The following DPPA2 variants were observed in gnomAD, a reference collection of about 807,000 sequenced individuals.
The protein encoded by DPPA2 is developmental pluripotency associated 2.
A neutral mutation model predicts 36.2 loss-of-function variants in DPPA2; 26 were observed. The observed-to-expected ratio is 0.72, with a 90% confidence interval of 0.53 to 1.00. The LOEUF is 1.00. Ranked by LOEUF, DPPA2 falls within the 50% of genes least tolerant of loss-of-function variation. The probability of loss-of-function intolerance (pLI) is 0.00; values close to 1 mark genes in which losing one functional copy is unlikely to be tolerated. For synonymous variants in DPPA2, 113 were observed against 123.2 expected (o/e 0.92, Z 0.55); for missense variants, 361 against 365.1 (o/e 0.99, Z 0.09).
intron 6 of DPPA2, among the ~76,000 whole-genome samples, chr3:109,306,693 C>T (rs1226863041): frequency 6.6e-6 from 1 of 151,308 alleles, no homozygotes; most frequent in Admixed American, 6.6e-5. Context: ...GCCCCAGGCG[C>T]GGTAGCTCAC....
At chr3:109,306,859 G>A (rs1707575647) in intron 6 of DPPA2, among the ~76,000 whole-genome samples, 1 of 151,714 alleles carries the variant, frequency 6.6e-6, no homozygotes, top group Non-Finnish European at 1.5e-5. Context: ...TGTAATCCCA[G>A]CTACTCGGGA....
chr3:109,303,233 T>A lies in DPPA2; in HGVS notation c.854+1242A>T, dbSNP rs576905995. Reference sequence around the variant, plus strand: ...CATGAGCCACTGCAACTGGCCATCATATTTTTTATTTCCCTGTGTTTGTAC... The same window carrying A: ...CATGAGCCACTGCAACTGGCCATCAAATTTTTTATTTCCCTGTGTTTGTAC... On this transcript the variant is annotated intron_variant, in intron 7 of 8. Coordinates refer to ENST00000478945, the MANE Select transcript of DPPA2 (RefSeq NM_138815.4). 2.6e-4 allele frequency among the ~76,000 whole-genome samples: 39 copies of A among 152,234 alleles called. No individual in the cohort carries two copies. The East Asian group carries it at 7.5e-3, about 29-fold the overall frequency.
At chr3:109,311,527 G>C (rs940804538) in intron 3 of DPPA2, among the ~76,000 whole-genome samples, 1 of 152,238 alleles carries the variant, frequency 6.6e-6, no homozygotes. Context: ...ATCACCTGAG[G>C]TCAGAAGTTT....
chr3:109,300,591 G>A (rs1707440142), intron 7 of DPPA2, among the ~76,000 whole-genome samples, 156 bp from the exon 8 acceptor site: 1 of 152,026 alleles, frequency 6.6e-6, no homozygotes, highest in Admixed American at 6.6e-5. Flanking sequence ...GGAGGCTGAG[G>A]AGGGCAGATC....
chr3:109,299,260 C>G (rs1707414522), intron 8 of DPPA2, among the ~76,000 whole-genome samples: 2 of 151,942 alleles, frequency 1.3e-5, no homozygotes, highest in African/African-American at 4.8e-5. Context: ...CGCCTGTAAT[C>G]CCAGCACTTT....
At chr3:109,307,645 A>AAAG (rs2107314109) in intron 6 of DPPA2, among the ~76,000 whole-genome samples, 1 of 151,992 alleles carries the variant, frequency 6.6e-6, no homozygotes, top group African/African-American at 2.4e-5. Flanking sequence ...ACTAAGGCTT[A>AAAG]AAGTAAGTAA....
intron 8 of DPPA2, among the ~76,000 whole-genome samples, chr3:109,299,516 C>CA (rs1302683692): frequency 1.1e-4 from 16 of 149,938 alleles, no homozygotes; most frequent in East Asian, 9.9e-4. Context: ...GACTCTGTCT[C>CA]AAAAAAAATA....
At chr3:109,300,705 C>T (rs973845222) in intron 7 of DPPA2, among the ~76,000 whole-genome samples, 2 of 148,434 alleles carry the variant, frequency 1.3e-5, no homozygotes, top group Non-Finnish European at 3.0e-5. Context: ...GCCTGTAGTC[C>T]CAGCTACTCA....
At chr3:109,299,563 G>A (rs1213742530) in intron 8 of DPPA2, among the ~76,000 whole-genome samples, 1 of 151,516 alleles carries the variant, frequency 6.6e-6, no homozygotes, top group Non-Finnish European at 1.5e-5. Flanking sequence ...GTGTGCACCT[G>A]TAATCCCAGC....
Position 109,312,597 on chromosome 3 carries a change from G to A in DPPA2, c.129C>T (p.Ser43=), listed in dbSNP as rs147343553. The change falls in exon 3 of 9, where the codon AGC becomes AGT. Residue 43 remains serine (S), a synonymous_variant. Coordinates refer to ENST00000478945, the MANE Select transcript of DPPA2 (RefSeq NM_138815.4). ...DDANMEQMEP[S]VSSTSDVKLE... Reference sequence around the variant, plus strand: ...GTTTGACATCAGAAGTTGAAGAAACGCTTGGTTCCATTTGTTCCATATTTG... The same window carrying A: ...GTTTGACATCAGAAGTTGAAGAAACACTTGGTTCCATTTGTTCCATATTTG... 1,030 of 1,613,728 alleles carry A rather than the reference G, an allele frequency of 6.4e-4. 1 individual carries two copies. The highest frequency in any genetic ancestry group is 7.9e-4 in the Non-Finnish European group (928 of 1,179,788).
intron 7 of DPPA2, among the ~76,000 whole-genome samples, 181 bp from the exon 8 acceptor site, chr3:109,300,616 G>A (rs1707440621): frequency 6.6e-6 from 1 of 152,062 alleles, no homozygotes; most frequent in Non-Finnish European, 1.5e-5. Flanking sequence ...GAGGTCAGGA[G>A]TTTGAGACCA....
intron 8 of DPPA2, among the ~76,000 whole-genome samples, chr3:109,296,336 T>C (rs1707350350): frequency 6.6e-6 from 1 of 152,174 alleles, no homozygotes; most frequent in Non-Finnish European, 1.5e-5. Flanking sequence ...TGGACTTCTC[T>C]CCGTAAGCCT....
intron 7 of DPPA2, 88 bp downstream of exon 7, chr3:109,304,387 C>T: frequency 7.4e-7 from 1 of 1,346,256 alleles, no homozygotes; most frequent in Non-Finnish European, 1.0e-6. Flanking sequence ...CATGTTCGCC[C>T]TCTGCTTTCT....
chr3:109,312,367 T>G (rs1207861513), intron 3 of DPPA2, among the ~76,000 whole-genome samples, 178 bp downstream of exon 3: 4 of 152,106 alleles, frequency 2.6e-5, no homozygotes, highest in African/African-American at 9.7e-5. Flanking sequence ...AGTATGGCAG[T>G]ACATTGGGCT....
intron 3 of DPPA2, among the ~76,000 whole-genome samples, chr3:109,312,115 C>T (rs1357952502): frequency 1.3e-5 from 2 of 152,140 alleles, no homozygotes; most frequent in Non-Finnish European, 2.9e-5. Context: ...GGGCACATCA[C>T]TTGAGGTCAG....
chr3:109,308,110 C>T lies in DPPA2; in HGVS notation c.580G>A (p.Ala194Thr). Residue 194 changes from alanine to threonine, a missense_variant, in exon 6 of 9, where the codon GCA becomes ACA. By Grantham distance (58) the Ala-to-Thr change is moderately conservative (BLOSUM62 0). Coordinates refer to ENST00000478945, the MANE Select transcript of DPPA2 (RefSeq NM_138815.4). Reference sequence around the variant, plus strand: ...AAAGCCTTAGGCTGAACAGCTCTTGCAGCAATTCTTGCCCATGATGCCAAC... The same window carrying T: ...AAAGCCTTAGGCTGAACAGCTCTTGTAGCAATTCTTGCCCATGATGCCAAC... ...AMLASWARIA[A>T]RAVQPKALNS... is the part of the protein sequence containing the mutation. The T allele has an allele frequency of 3.7e-6, 6 of 1,614,222 alleles. No individual in the cohort carries two copies. Among genetic ancestry groups the T allele is most frequent in the Non-Finnish European group, 5.1e-6 (6 of 1,180,040 alleles).
At chr3:109,309,100 ATTAAG>A (rs892151744) in intron 4 of DPPA2, 21 bp from the exon 5 acceptor site, 2 of 1,614,036 alleles carry the variant, frequency 1.2e-6, no homozygotes, top group African/African-American at 2.7e-5. Flanking sequence ...GAAGAGAGAG[ATTAAG>A]TTAAAAGTTG....
intron 8 of DPPA2, among the ~76,000 whole-genome samples, chr3:109,298,445 T>C (rs965548154): frequency 3.9e-5 from 6 of 151,962 alleles, no homozygotes; most frequent in Non-Finnish European, 7.4e-5. Context: ...CCGGGCACGG[T>C]GGCTCACGCC....
chr3:109,303,360 G>C (rs1576818412), intron 7 of DPPA2, among the ~76,000 whole-genome samples: 2 of 150,736 alleles, frequency 1.3e-5, no homozygotes, highest in Non-Finnish European at 2.9e-5. Flanking sequence ...TATTTTCATA[G>C]CTTTTCTTAC....
Sources: gnomAD v4.1 joint callset for allele counts (sites outside exome capture counted in the v4.1 genomes callset) on GRCh38, gnomAD v4.1.1 for gene constraint, MANE v1.5 for transcripts, NCBI Gene and HGNC (gene_info 2026-07-23, HGNC 2026-07-21) for gene names.